The following FAM135B variants were observed in gnomAD, a reference collection of about 807,000 sequenced individuals.
FAM135B encodes the protein family with sequence similarity 135 member B.
In FAM135B, 43 loss-of-function variants were observed where a neutral mutation model predicts 127.7. That is an observed-to-expected ratio of 0.34 (90% CI 0.26 to 0.43). FAM135B has a LOEUF of 0.43. Ranked by LOEUF, FAM135B falls within the 20% of genes least tolerant of loss-of-function variation. The probability of loss-of-function intolerance (pLI) is 1.00; values close to 1 mark genes in which losing one functional copy is unlikely to be tolerated. For missense variants in FAM135B, 1,558 were observed against 1,725.6 expected (o/e 0.90, Z 1.72); for synonymous variants, 670 against 665.1 (o/e 1.01, Z -0.11).
chr8:138,230,007 C>T (rs921485792), intron 7 of FAM135B, among the ~76,000 whole-genome samples: 2 of 152,146 alleles, frequency 1.3e-5, no homozygotes, highest in Non-Finnish European at 2.9e-5. Flanking sequence ...AACCATAGAA[C>T]CTTCCAAAGG....
At position 138,152,243 on chromosome 8, in the gene FAM135B, C is replaced by G; in HGVS notation, c.2232G>C (p.Gln744His). Residue 744 changes from glutamine (Q) to histidine (H), a missense_variant, in exon 13 of 20, where the codon CAG becomes CAC. Gln to His is a conservative substitution (Grantham distance 24, BLOSUM62 0). Around this residue, in one of 5 missense-constraint regions of FAM135B, gnomAD observed 923 missense variants for 865.3 expected, o/e 1.07. Coordinates refer to ENST00000395297, the MANE Select transcript of FAM135B (RefSeq NM_015912.4). ...ESNTSLPSGI[Q>H]ASLTSISSLP... ...AAGAGCTAATGGAGGTGAGAGAAGC[C>G]TGGATGCCGCTTGGCAAACTTGTGT... The G allele has an allele frequency of 6.2e-7, 1 of 1,614,142 alleles. No homozygotes were observed. The highest frequency in any genetic ancestry group is 8.5e-7 in the Non-Finnish European group (1 of 1,180,044).
At position 138,216,928 on chromosome 8, in the gene FAM135B, G is replaced by C. The variant is rs148308616; in HGVS notation, c.670-19259C>G. On this transcript the variant is annotated intron_variant, in intron 7 of 19. Transcript: ENST00000395297. ...GGCTACAGAGCTTTCCAGGGCTTTG[G>C]GCTGTGGAGTCTACCAGCTTCTTCA... 8.0e-3 allele frequency among the ~76,000 whole-genome samples: 1,224 copies of C among 152,274 alleles called. 13 individuals are homozygous for C. Among genetic ancestry groups the C allele is most frequent in the African/African-American group, 0.028 (1,163 of 41,566 alleles).
intron 2 of FAM135B, among the ~76,000 whole-genome samples, chr8:138,326,049 A>G (rs1010666094): frequency 6.6e-6 from 1 of 152,110 alleles, no homozygotes; most frequent in African/African-American, 2.4e-5. Flanking sequence ...GCTTAGTTGG[A>G]GTGACTGTAT....
At chr8:138,186,102 C>T (rs1815543808) in intron 9 of FAM135B, among the ~76,000 whole-genome samples, 2 of 152,162 alleles carry the variant, frequency 1.3e-5, no homozygotes, top group African/African-American at 4.8e-5. Context: ...AGGGCAATGT[C>T]CCAGGCTCCA....
At chr8:138,339,489 G>A (rs914805550) in intron 2 of FAM135B, among the ~76,000 whole-genome samples, 7 of 151,816 alleles carry the variant, frequency 4.6e-5, no homozygotes, top group African/African-American at 1.5e-4. Flanking sequence ...AGAATGCCAG[G>A]GATGTATTAG....
At position 138,177,297 on chromosome 8, in the gene FAM135B, T is replaced by C. The variant is rs754085861; in HGVS notation, c.1103+50A>G. The C allele has an allele frequency of 1.8e-5, 28 of 1,557,144 alleles. No homozygotes were observed. In the Admixed American group the frequency reaches 3.4e-4, roughly 19 times the overall value. On this transcript the variant is annotated intron_variant, in intron 11 of 19. Transcript: ENST00000395297. ...GTGAAGAGTAACTTTGAACAGCATG[T>C]CTTGGGTGGCTGCTTTTAGGGATGA...
In FAM135B at chr8:138,197,117, GTATATA is replaced by G. The variant is rs147195526; in HGVS notation, c.823+393_823+398del. Among the ~76,000 whole-genome samples, 7 of 41,650 alleles carry G rather than the reference GTATATA, an allele frequency of 1.7e-4. 1 individual carries two copies. In the South Asian group the frequency reaches 7.0e-3, roughly 42 times the overall value. 27.3% of individuals were successfully genotyped at this position (41,650 alleles called of 152,430 possible). On this transcript the variant is annotated intron_variant, in intron 8 of 19. Coordinates refer to ENST00000395297, the MANE Select transcript of FAM135B (RefSeq NM_015912.4). ...TGTGTGTGTGTGTGTGTGTGTGTGT[GTATATA>G]TATAGTTTTTATGAGGATTGTTTTA...
At chr8:138,185,097 T>C (rs945890538) in intron 9 of FAM135B, among the ~76,000 whole-genome samples, 2 of 152,146 alleles carry the variant, frequency 1.3e-5, no homozygotes, top group African/African-American at 4.8e-5. Context: ...TTCCCTGACC[T>C]GCGGGACAGG....
intron 2 of FAM135B, among the ~76,000 whole-genome samples, chr8:138,332,632 G>C (rs1436379780): frequency 6.6e-6 from 1 of 152,008 alleles, no homozygotes; most frequent in Non-Finnish European, 1.5e-5. Context: ...TGACAGGTGA[G>C]GAGAAACCCG....
chr8:138,338,078 C>A (rs1162623750), intron 2 of FAM135B, among the ~76,000 whole-genome samples: 1 of 152,146 alleles, frequency 6.6e-6, no homozygotes, highest in Non-Finnish European at 1.5e-5. Flanking sequence ...GAAACTGGAT[C>A]CCTTCCTTAA....
At position 138,314,725 on chromosome 8, in the gene FAM135B, T is replaced by TAAATAAATA. The variant is rs766795967; in HGVS notation, c.78-3806_78-3805insTATTTATTT. On this transcript the variant is annotated intron_variant, in intron 2 of 19. Transcript: ENST00000395297. ...TAAATAAATAAATAAATAAATAAAT[T>TAAATAAATA]AGCTGGGTGTGGTGGCAGATGCCTG... Among the ~76,000 whole-genome samples, 151 of 48,750 alleles carry TAAATAAATA rather than the reference T, an allele frequency of 3.1e-3. 3 individuals are homozygous for TAAATAAATA. Among genetic ancestry groups the TAAATAAATA allele is most frequent in the East Asian group, 4.9e-3 (8 of 1,630 alleles). 32.0% of individuals were successfully genotyped at this position (48,750 alleles called of 152,430 possible).
intron 5 of FAM135B, among the ~76,000 whole-genome samples, chr8:138,253,106 G>C (rs1057162770): frequency 3.9e-5 from 6 of 152,052 alleles, no homozygotes; most frequent in Non-Finnish European, 2.9e-5. Flanking sequence ...TGGCCAAGAA[G>C]GCTTCTTTTC....
chr8:138,288,884 G>A (rs1015330169), intron 3 of FAM135B, among the ~76,000 whole-genome samples: 16 of 152,178 alleles, frequency 1.1e-4, no homozygotes, highest in African/African-American at 3.9e-4. Context: ...GAGCTTTGGA[G>A]CAGTGCCTGG....
At chr8:138,413,985 G>A (rs1350037441) in intron 1 of FAM135B, among the ~76,000 whole-genome samples, 1 of 151,888 alleles carries the variant, frequency 6.6e-6, no homozygotes, top group African/African-American at 2.4e-5. Context: ...TTATTTTCAA[G>A]AGTGAGAGCA....
intron 1 of FAM135B, among the ~76,000 whole-genome samples, chr8:138,376,507 A>G (rs925927972): frequency 5.3e-5 from 8 of 152,160 alleles, no homozygotes; most frequent in Non-Finnish European, 7.4e-5. Context: ...GCTTATCTCA[A>G]AAGTTTTCAG....
intron 3 of FAM135B, among the ~76,000 whole-genome samples, chr8:138,299,312 C>G (rs958081139): frequency 2.6e-5 from 4 of 151,974 alleles, no homozygotes; most frequent in Admixed American, 6.6e-5. Context: ...TCAAAGAAGG[C>G]CCAATTCATC....
intron 2 of FAM135B, among the ~76,000 whole-genome samples, chr8:138,363,024 G>T (rs1830528934): frequency 6.6e-6 from 1 of 152,174 alleles, no homozygotes. Flanking sequence ...TGCAGAAATG[G>T]TTGGGAGAGG....
intron 6 of FAM135B, among the ~76,000 whole-genome samples, chr8:138,248,836 A>AAAAAC (rs1821490203): frequency 2.0e-5 from 3 of 151,468 alleles, no homozygotes; most frequent in Non-Finnish European, 4.4e-5. Flanking sequence ...AAAAAAAAAA[A>AAAAAC]CAATAAAAGT....
chr8:138,306,454 A>G (rs538376392), intron 3 of FAM135B, among the ~76,000 whole-genome samples: 10 of 150,928 alleles, frequency 6.6e-5, no homozygotes, highest in Non-Finnish European at 1.3e-4. Flanking sequence ...AGAAAAAAAA[A>G]AAAGAAAGAA....
Sources: gnomAD v4.1 joint callset for allele counts (sites outside exome capture counted in the v4.1 genomes callset) on GRCh38, gnomAD v4.1.1 for gene constraint, gnomAD v4.1.1 regional missense constraint, MANE v1.5 for transcripts, NCBI Gene and HGNC (gene_info 2026-07-23, HGNC 2026-07-21) for gene names.